The following WWOX variants were observed in gnomAD, a reference collection of about 807,000 sequenced individuals.
The protein encoded by WWOX is WW domain containing oxidoreductase, also known as WW domain-containing oxidoreductase.
In WWOX, 69 loss-of-function variants were observed where a neutral mutation model predicts 46.2. The ratio of observed to expected loss-of-function variants is 1.49; its 90% CI spans 1.23 to 1.82. The LOEUF (loss-of-function observed/expected upper bound fraction) is 1.82, where lower values mean the gene tolerates loss of function less well. Ranked by LOEUF, WWOX falls within the 40% of genes most tolerant of loss-of-function variation. WWOX has a pLI of 0.00. For synonymous variants in WWOX, 359 were observed against 202.6 expected, an observed-to-expected ratio of 1.77 and a Z score of -6.56; for missense variants, 919 against 542.6, an observed-to-expected ratio of 1.69 and a Z score of -6.89.
chr16:79,120,884 G>A (rs55680400), intron 8 of WWOX, among the ~76,000 whole-genome samples: 160 of 152,244 alleles, frequency 1.1e-3, no homozygotes, highest in African/African-American at 3.8e-3. Flanking sequence ...TTCTCCTGCC[G>A]CAGCCTCCTG....
intron 5 of WWOX, among the ~76,000 whole-genome samples, chr16:78,247,236 C>A (rs1479175066): frequency 1.3e-5 from 2 of 151,966 alleles, no homozygotes; most frequent in Non-Finnish European, 2.9e-5. Context: ...CAGGAGGAAT[C>A]TGTTTTCACT....
intron 8 of WWOX, among the ~76,000 whole-genome samples, chr16:78,679,670 A>G (rs1265989302): frequency 6.6e-6 from 1 of 152,232 alleles, no homozygotes; most frequent in Non-Finnish European, 1.5e-5. Flanking sequence ...TGCCAGGAGA[A>G]GTATTGTTTT....
chr16:79,136,254 C>T lies in WWOX; in HGVS notation c.1057-75354C>T, dbSNP rs548748137. The stretch of plus-strand genomic sequence containing the variant: ...TTCTTCTTTTTTTTTTTTTTTAAGA[C>T]GGAGTCTTGCTCTTTTGCCAGGCTG... On this transcript the variant is annotated intron_variant, in intron 8 of 8. Coordinates refer to ENST00000566780, the MANE Select transcript of WWOX (RefSeq NM_016373.4). 6.2e-4 allele frequency among the ~76,000 whole-genome samples: 93 copies of T among 149,150 alleles called. 1 individual carries two copies. The highest frequency in any genetic ancestry group is 1.1e-3 in the South Asian group (5 of 4,732).
chr16:78,978,149 A>G (rs1249095319), intron 8 of WWOX, among the ~76,000 whole-genome samples: 1 of 152,202 alleles, frequency 6.6e-6, no homozygotes, highest in Non-Finnish European at 1.5e-5. Context: ...AGGTTGACCC[A>G]CATTGTGGCA....
chr16:79,127,589 G>A (rs773459586), intron 8 of WWOX, among the ~76,000 whole-genome samples: 11 of 152,090 alleles, frequency 7.2e-5, no homozygotes, highest in Admixed American at 1.3e-4. Context: ...CACCGACATC[G>A]CTTCCCACGT....
intron 5 of WWOX, among the ~76,000 whole-genome samples, chr16:78,375,982 C>T (rs1017955203): frequency 5.3e-5 from 8 of 151,570 alleles, no homozygotes; most frequent in Non-Finnish European, 1.0e-4. Context: ...TTCCAATTAG[C>T]GGGGACTACC....
At chr16:79,030,441 C>A (rs2047730259) in intron 8 of WWOX, among the ~76,000 whole-genome samples, 7 of 152,132 alleles carry the variant, frequency 4.6e-5, no homozygotes, top group Admixed American at 3.9e-4. Flanking sequence ...CTCCAGGATG[C>A]CTTTTGATCT....
At chr16:79,208,275 G>T (rs945058915) in intron 8 of WWOX, among the ~76,000 whole-genome samples, 10 of 151,930 alleles carry the variant, frequency 6.6e-5, no homozygotes, top group African/African-American at 2.4e-4. Context: ...GTCCTGTGTC[G>T]TCAACAACCT....
intron 7 of WWOX, among the ~76,000 whole-genome samples, chr16:78,428,663 C>T (rs1413460150): frequency 6.6e-6 from 1 of 152,174 alleles, no homozygotes. Context: ...CTAGTCATGA[C>T]ATACTTCTGT....
chr16:78,876,209 C>G (rs939153301), intron 8 of WWOX, among the ~76,000 whole-genome samples: 1 of 148,154 alleles, frequency 6.7e-6, no homozygotes, highest in Admixed American at 6.7e-5. Flanking sequence ...TTTTTCCTTT[C>G]TTTTTTTTTT....
In WWOX at chr16:78,832,054, C is replaced by T. The variant is rs116602979; in HGVS notation, c.1057-379554C>T. On this transcript the variant is annotated intron_variant, in intron 8 of 8. Transcript: ENST00000566780. ...AACAAATTACCCCAAAATGTAAGCA[C>T]TTAGAATCTCATTGTCTTTGTGGGT... Among the ~76,000 whole-genome samples, 789 of 152,294 alleles carry T rather than the reference C, an allele frequency of 5.2e-3. 5 individuals carry two copies. Among genetic ancestry groups the T allele is most frequent in the African/African-American group, 0.018 (747 of 41,548 alleles).
rs866421748 is a variant in WWOX, at chr16:79,137,876, G to A, written c.1057-73732G>A. Among the ~76,000 whole-genome samples, 3 of 152,120 alleles carry A rather than the reference G, an allele frequency of 2.0e-5. No homozygotes were observed. The East Asian group carries it at 5.8e-4, about 29-fold the overall frequency. Reference sequence around the variant, plus strand: ...TGGGTCTGTGCCTCCACAAACACAAGACCAAAGTTAGGGGGTGGGGGACTC... The same window carrying A: ...TGGGTCTGTGCCTCCACAAACACAAAACCAAAGTTAGGGGGTGGGGGACTC... On this transcript the variant is annotated intron_variant, in intron 8 of 8. Transcript: ENST00000566780.
intron 8 of WWOX, among the ~76,000 whole-genome samples, chr16:78,955,676 G>C (rs1442050972): frequency 6.7e-6 from 1 of 150,144 alleles, no homozygotes. Context: ...TTTGAGACAG[G>C]GTCTTGCTCT....
At chr16:78,662,663 T>A (rs571493200) in intron 8 of WWOX, among the ~76,000 whole-genome samples, 3 of 152,230 alleles carry the variant, frequency 2.0e-5, no homozygotes, top group Admixed American at 1.3e-4. Flanking sequence ...TTTTGCTTTC[T>A]TTGGATGAAG....
intron 8 of WWOX, among the ~76,000 whole-genome samples, chr16:79,142,066 T>C (rs1036521094): frequency 1.3e-5 from 2 of 152,178 alleles, no homozygotes; most frequent in African/African-American, 2.4e-5. Flanking sequence ...CTTCTCTTTT[T>C]CTCCTTCTTC....
intron 8 of WWOX, among the ~76,000 whole-genome samples, chr16:78,716,279 C>T (rs1427425405): frequency 6.6e-6 from 1 of 152,046 alleles, no homozygotes; most frequent in Non-Finnish European, 1.5e-5. Flanking sequence ...CCAGAAGCTC[C>T]TGAAGGCAGG....
At chr16:78,102,722 T>C (rs1204211906) in intron 1 of WWOX, among the ~76,000 whole-genome samples, 1 of 152,202 alleles carries the variant, frequency 6.6e-6, no homozygotes, top group Non-Finnish European at 1.5e-5. Context: ...GGCTGTGTAC[T>C]CCTCCTTGTT....
At chr16:78,265,311 T>A (rs1367024955) in intron 5 of WWOX, among the ~76,000 whole-genome samples, 1 of 151,808 alleles carries the variant, frequency 6.6e-6, no homozygotes, top group East Asian at 1.9e-4. Flanking sequence ...TTAATTTCTG[T>A]TGAATGTATG....
At chr16:78,398,833 G>A (rs535280379) in intron 6 of WWOX, among the ~76,000 whole-genome samples, 7 of 152,294 alleles carry the variant, frequency 4.6e-5, no homozygotes, top group East Asian at 1.9e-4. Context: ...TTTATAAAGC[G>A]TAGTACCTGA....
Sources: allele counts gnomAD v4.1 joint callset (sites outside exome capture counted in the v4.1 genomes callset), GRCh38; gene constraint gnomAD v4.1.1; transcripts MANE v1.5; gene names NCBI Gene and HGNC (gene_info 2026-07-23, HGNC 2026-07-21).